ACYP2: variants seen among roughly 807,000 people sequenced by gnomAD.
ACYP2 encodes acylphosphatase 2.
In ACYP2, 12 loss-of-function variants were observed where a neutral mutation model predicts 11.2. The observed-to-expected ratio is 1.08, with a 90% CI of 0.69 to 1.74. ACYP2 has a LOEUF of 1.74. Ranked by LOEUF, ACYP2 falls within the 40% of genes most tolerant of loss-of-function variation. The pLI, the probability that ACYP2 is intolerant of heterozygous loss-of-function variation, is 0.00. For synonymous variants in ACYP2, 43 were observed against 32.2 expected, an observed-to-expected ratio of 1.33 and a Z score of -1.13; for missense variants, 134 against 101.9, an observed-to-expected ratio of 1.31 and a Z score of -1.35.
At chr2:54,037,355 T>G (rs1204283558) in intron 2 of ACYP2, among the ~76,000 whole-genome samples, 1 of 152,142 alleles carries the variant, frequency 6.6e-6, no homozygotes, top group Non-Finnish European at 1.5e-5. Flanking sequence ...TCTCAAGTGA[T>G]CCACCTGTCT....
At chr2:54,194,195 G>A (rs368329246) in intron 6 of ACYP2, among the ~76,000 whole-genome samples, 1 of 151,862 alleles carries the variant, frequency 6.6e-6, no homozygotes, top group Non-Finnish European at 1.5e-5. Context: ...GTGTGCCACC[G>A]CACCTGGCTA....
At chr2:54,300,063 C>CA (rs1689664349) in intron 6 of ACYP2, among the ~76,000 whole-genome samples, 1 of 152,214 alleles carries the variant, frequency 6.6e-6, no homozygotes, top group Admixed American at 6.5e-5. Flanking sequence ...AAAGCTATCT[C>CA]ATGTGAATGC....
At chr2:54,023,000 A>G (rs1225920532) in intron 2 of ACYP2, among the ~76,000 whole-genome samples, 1 of 152,170 alleles carries the variant, frequency 6.6e-6, no homozygotes, top group Non-Finnish European at 1.5e-5. Flanking sequence ...TAAGGCTCCC[A>G]TATCATATAA....
At chr2:54,119,107 G>A (rs893674213) in intron 4 of ACYP2, among the ~76,000 whole-genome samples, 9 of 123,578 alleles carry the variant, frequency 7.3e-5, no homozygotes, top group Admixed American at 1.0e-4. Flanking sequence ...TATGTCACCC[G>A]GGCAAGATCA....
At chr2:54,019,217 C>A (rs541649165) in intron 2 of ACYP2, among the ~76,000 whole-genome samples, 1 of 151,678 alleles carries the variant, frequency 6.6e-6, no homozygotes, top group African/African-American at 2.4e-5. Context: ...TAGGTGCATG[C>A]CACCACACTT....
rs555777596 is a variant in ACYP2 at position 54,145,728 on chromosome 2, A to G, written c.404+6980A>G. On this transcript the variant is annotated intron_variant, in intron 6 of 6. Transcript: ENST00000607452. ...AATACTTGACAATATTTTAATCTAT[A>G]AAACAACAATTTCATGTTGTTCAAT... Among the ~76,000 whole-genome samples, 325 of 152,330 alleles carry G rather than the reference A, an allele frequency of 2.1e-3. 2 individuals carry two copies. The highest frequency in any genetic ancestry group is 7.6e-3 in the African/African-American group (314 of 41,550).
chr2:54,259,365 T>G (rs1573008488), intron 6 of ACYP2, among the ~76,000 whole-genome samples: 1 of 152,182 alleles, frequency 6.6e-6, no homozygotes, highest in South Asian at 2.1e-4. Context: ...AGTCAAAGGG[T>G]TGGATGAGAA....
intron 6 of ACYP2, among the ~76,000 whole-genome samples, chr2:54,186,763 C>T (rs1163416967): frequency 6.6e-6 from 1 of 152,180 alleles, no homozygotes. Context: ...ATCCACCTGC[C>T]TCAGCCTCCC....
At chr2:54,232,617 C>T (rs1686286194) in intron 6 of ACYP2, among the ~76,000 whole-genome samples, 3 of 152,108 alleles carry the variant, frequency 2.0e-5, no homozygotes, top group Admixed American at 2.0e-4. Context: ...TAAAGAGCTG[C>T]TTGAGACTGG....
At chr2:54,200,587 A>G (rs1302638865) in intron 6 of ACYP2, among the ~76,000 whole-genome samples, 2 of 152,230 alleles carry the variant, frequency 1.3e-5, no homozygotes, top group African/African-American at 4.8e-5. Context: ...AGTAGCATGT[A>G]TCAGTGATAC....
intron 6 of ACYP2, among the ~76,000 whole-genome samples, chr2:54,231,290 C>A (rs1200164810): frequency 6.6e-6 from 1 of 152,248 alleles, no homozygotes; most frequent in Admixed American, 6.5e-5. Flanking sequence ...CAGAATAAAT[C>A]TCTTAAAATA....
At chr2:54,184,936 TC>T (rs1214098700) in intron 6 of ACYP2, among the ~76,000 whole-genome samples, 11 of 150,902 alleles carry the variant, frequency 7.3e-5, no homozygotes, top group African/African-American at 2.4e-4. Flanking sequence ...AACCTCTGCC[TC>T]CCGGGTTCAA....
At position 54,201,650 on chromosome 2, in the gene ACYP2, C is replaced by CTTTG. The variant is rs1254034830; in HGVS notation, c.404+62905_404+62906insGTTT. Among the ~76,000 whole-genome samples, 28 of 87,018 alleles carry CTTTG rather than the reference C, an allele frequency of 3.2e-4. No homozygotes were observed. The East Asian group carries it at 5.8e-3, about 18-fold the overall frequency. 57.1% of individuals were successfully genotyped at this position (87,018 alleles called of 152,430 possible). On this transcript the variant is annotated intron_variant, in intron 6 of 6. Transcript: ENST00000607452. Reference sequence around the variant, plus strand: ...TTTCTTTCTTTCTCTTTCTTTCTTTCTTTCTTTCTTTCTTTCTTTCTTTCT... The same window carrying CTTTG: ...TTTCTTTCTTTCTCTTTCTTTCTTTCTTTGTTTCTTTCTTTCTTTCTTTCTTTCT...
Position 54,153,223 on chromosome 2 carries a change from G to A in ACYP2, c.404+14475G>A, listed in dbSNP as rs188206160. ...AGTTTTCCCATTATTCTTTATTGAAGAGACTGTCTTTGCCCCATCGTGTGT... is the reference window on the plus strand; with the variant it reads ...AGTTTTCCCATTATTCTTTATTGAAAAGACTGTCTTTGCCCCATCGTGTGT... On this transcript the variant is annotated intron_variant, in intron 6 of 6. Coordinates refer to ENST00000607452, the MANE Select transcript of ACYP2 (RefSeq NM_001320586.2). Among the ~76,000 whole-genome samples the A allele has an allele frequency of 2.1e-3, 319 of 151,416 alleles. 3 individuals are homozygous for A. Among genetic ancestry groups the A allele is most frequent in the African/African-American group, 7.3e-3 (300 of 41,196 alleles).
At chr2:54,037,005 C>G (rs1164635596) in intron 2 of ACYP2, among the ~76,000 whole-genome samples, 4 of 152,176 alleles carry the variant, frequency 2.6e-5, no homozygotes, top group African/African-American at 4.8e-5. Context: ...AATGTTGTCC[C>G]TAATTAATAT....
intron 6 of ACYP2, among the ~76,000 whole-genome samples, chr2:54,256,599 T>A (rs1687550577): frequency 6.6e-6 from 1 of 152,216 alleles, no homozygotes; most frequent in African/African-American, 2.4e-5. Flanking sequence ...ATTACAAATA[T>A]TTCTCTTCCA....
chr2:54,077,404 T>C (rs1258775541), intron 4 of ACYP2, among the ~76,000 whole-genome samples: 1 of 152,236 alleles, frequency 6.6e-6, no homozygotes, highest in Non-Finnish European at 1.5e-5. Context: ...CTGCCTAGCA[T>C]ATATAGGGAC....
chr2:54,274,404 G>C (rs1688452148), intron 6 of ACYP2, among the ~76,000 whole-genome samples: 1 of 152,066 alleles, frequency 6.6e-6, no homozygotes, highest in African/African-American at 2.4e-5. Context: ...ACTTTGGGAG[G>C]CTGAGGTGGG....
At chr2:54,218,894 TCAAACGGG>T (rs1445531582) in intron 6 of ACYP2, among the ~76,000 whole-genome samples, 9 of 152,036 alleles carry the variant, frequency 5.9e-5, no homozygotes, top group African/African-American at 2.2e-4. Flanking sequence ...AGAACTAGGG[TCAAACGGG>T]CATCTTCCAG....
Sources: gnomAD v4.1 joint callset for allele counts (sites outside exome capture counted in the v4.1 genomes callset) on GRCh38, gnomAD v4.1.1 for gene constraint, MANE v1.5 for transcripts, NCBI Gene and HGNC (gene_info 2026-07-23, HGNC 2026-07-21) for gene names.